ZDBF2: variants seen among roughly 807,000 people sequenced by gnomAD.
The protein encoded by ZDBF2 is zinc finger DBF-type containing 2.
A neutral mutation model predicts 9.4 loss-of-function variants in ZDBF2; 6 were observed. The observed-to-expected ratio is 0.64, with a 90% CI of 0.35 to 1.27. ZDBF2 has a LOEUF of 1.27. ZDBF2 is among the 50% of genes most tolerant of loss of function. ZDBF2 has a pLI of 0.03. For missense variants in ZDBF2, 2,697 were observed against 2,766.8 expected (o/e 0.97, Z 0.57); for synonymous variants, 905 against 946.3 (o/e 0.96, Z 0.80).
Position 206,307,037 on chromosome 2 carries a change from C to A in ZDBF2, c.2509C>A (p.Leu837Ile). The A allele has an allele frequency of 6.2e-7, 1 of 1,613,394 alleles. No individual in the cohort carries two copies. Among genetic ancestry groups the A allele is most frequent in the Non-Finnish European group, 8.5e-7 (1 of 1,179,708 alleles). The change falls in exon 5 of 5, where the codon CTT becomes ATT. Residue 837 changes from leucine (L) to isoleucine (I), a missense_variant. This residue lies in a region of ZDBF2 where 4 missense variants were observed against 16.7 expected (regional missense o/e 0.24). Coordinates refer to ENST00000374423, the MANE Select transcript of ZDBF2 (RefSeq NM_020923.3). ...SEITFDSDIPLHSGNDHPEVA... is the reference protein window; with the variant it reads ...SEITFDSDIPIHSGNDHPEVA... ...AATAACTTTTGATTCTGATATTCCT[C>A]TTCATTCAGGAAATGATCACCCTGA...
intron 3 of ZDBF2, among the ~76,000 whole-genome samples, chr2:206,284,590 T>C (rs1223770843): frequency 6.6e-6 from 1 of 152,240 alleles, no homozygotes; most frequent in Admixed American, 6.5e-5. Flanking sequence ...AATTATCCTC[T>C]CCCAATTTCT....
intron 3 of ZDBF2, among the ~76,000 whole-genome samples, chr2:206,293,169 G>A (rs1691987206): frequency 6.6e-6 from 1 of 152,188 alleles, no homozygotes; most frequent in Non-Finnish European, 1.5e-5. Flanking sequence ...ATTTATGGAT[G>A]TCTGATTTGT....
At chr2:206,300,522 C>T (rs1199355708) in intron 4 of ZDBF2, among the ~76,000 whole-genome samples, 1 of 152,140 alleles carries the variant, frequency 6.6e-6, no homozygotes, top group African/African-American at 2.4e-5. Flanking sequence ...TCGATGTGCC[C>T]TTCTCAGTGT....
At position 206,309,646 on chromosome 2, in the gene ZDBF2, T is replaced by C. The variant is rs376068663; in HGVS notation, c.5118T>C (p.Ser1706=). ...AGLKGKSCQS[S]ASAVDFGASS... is the part of the protein sequence containing the mutation. The stretch of plus-strand genomic sequence containing the variant: ...TAAAAGGTAAGAGCTGTCAGTCTAG[T>C]GCTTCTGCAGTGGATTTTGGTGCCT... Residue 1706 remains serine, a synonymous_variant, in exon 5 of 5, where the codon AGT becomes AGC. Transcript: ENST00000374423. 5.5e-5 allele frequency: 88 copies of C among 1,613,932 alleles called. No homozygotes were observed. In the African/African-American group the frequency reaches 1.1e-3, roughly 20 times the overall value.
chr2:206,300,040 C>T (rs368088851), intron 4 of ZDBF2, among the ~76,000 whole-genome samples: 42 of 151,988 alleles, frequency 2.8e-4, no homozygotes, highest in African/African-American at 9.9e-4. Flanking sequence ...ACCCTGGAGG[C>T]GGAGGTTGCG....
intron 1 of ZDBF2, among the ~76,000 whole-genome samples, chr2:206,275,859 A>C (rs1423730145): frequency 6.6e-6 from 1 of 152,164 alleles, no homozygotes; most frequent in Non-Finnish European, 1.5e-5. Context: ...TGCTTTTTTC[A>C]CTTAATACGT....
In ZDBF2 at chr2:206,283,492, T is replaced by C. The variant is rs75506118; in HGVS notation, c.60+1583T>C. ...CCTAATGACATATAGTGTCTTTTCATTGGGCATTTGTATATCTTGTTTAGA... is the reference window on the plus strand; with the variant it reads ...CCTAATGACATATAGTGTCTTTTCACTGGGCATTTGTATATCTTGTTTAGA... On this transcript the variant is annotated intron_variant, in intron 3 of 4. Coordinates refer to ENST00000374423, the MANE Select transcript of ZDBF2 (RefSeq NM_020923.3). 4.3e-3 allele frequency among the ~76,000 whole-genome samples: 655 copies of C among 152,322 alleles called. 6 individuals are homozygous for C. The highest frequency in any genetic ancestry group is 0.014 in the African/African-American group (602 of 41,570).
intron 4 of ZDBF2, among the ~76,000 whole-genome samples, chr2:206,301,906 T>C (rs1692520708): frequency 6.6e-6 from 1 of 152,084 alleles, no homozygotes; most frequent in Non-Finnish European, 1.5e-5. Context: ...TTTAAAAATA[T>C]GATGTTTTTA....
At chr2:206,297,022 ATTTACCT>A (rs1272354599) in intron 3 of ZDBF2, among the ~76,000 whole-genome samples, 1 of 152,130 alleles carries the variant, frequency 6.6e-6, no homozygotes, top group Non-Finnish European at 1.5e-5. Flanking sequence ...TGCATGAATC[ATTTACCT>A]TTAAGACTAT....
intron 3 of ZDBF2, among the ~76,000 whole-genome samples, chr2:206,291,179 G>A (rs577232595): frequency 6.6e-6 from 1 of 152,134 alleles, no homozygotes; most frequent in Non-Finnish European, 1.5e-5. Context: ...TTGGCACCAG[G>A]GACTGGTTTC....
Position 206,281,844 on chromosome 2 carries a change from T to C in ZDBF2, c.-6T>C. On this transcript the variant is annotated 5_prime_UTR_variant, in exon 3 of 5. Transcript: ENST00000374423. ...GTAGCCATCTGACTTCAGTTATTTA[T>C]TCAAGATGCAGAAAAGACAAGGATA... is the stretch of plus-strand genomic sequence containing the variant. 6.2e-7 allele frequency: 1 copy of C among 1,612,818 alleles called. No homozygotes were observed. The highest frequency in any genetic ancestry group is 8.5e-7 in the Non-Finnish European group (1 of 1,179,422).
chr2:206,303,607 A>T (rs1037988885), intron 4 of ZDBF2, among the ~76,000 whole-genome samples: 11 of 152,038 alleles, frequency 7.2e-5, no homozygotes, highest in African/African-American at 2.2e-4. Flanking sequence ...AAAATAATGG[A>T]ATTTAAATTT....
At position 206,306,186 on chromosome 2, in the gene ZDBF2, C is replaced by A. The variant is rs541898298; in HGVS notation, c.1658C>A (p.Pro553His). 8 of 1,613,602 alleles carry A rather than the reference C, an allele frequency of 5.0e-6. No individual in the cohort carries two copies. The South Asian group carries it at 7.7e-5, about 16-fold the overall frequency. ...CCACTGCAGTCAGTGGTTGACAGACCCCCAGTGGCTGTCACAGAAACAAAA... is the reference window on the plus strand; with the variant it reads ...CCACTGCAGTCAGTGGTTGACAGACACCCAGTGGCTGTCACAGAAACAAAA... ...VFPLQSVVDR[P>H]PVAVTETKLR... The change falls in exon 5 of 5, where the codon CCC (proline) becomes CAC (histidine). Residue 553 changes from proline (P) to histidine (H), a missense_variant. By Grantham distance (77) the Pro-to-His change is moderately conservative. Transcript: ENST00000374423.
chr2:206,284,271 T>G (rs999268073), intron 3 of ZDBF2, among the ~76,000 whole-genome samples: 7 of 152,052 alleles, frequency 4.6e-5, no homozygotes, highest in East Asian at 1.9e-4. Flanking sequence ...ATAGTGGATG[T>G]ATGTATGTAT....
chr2:206,295,322 T>C (rs1692108393), intron 3 of ZDBF2, among the ~76,000 whole-genome samples: 1 of 151,964 alleles, frequency 6.6e-6, no homozygotes, highest in Non-Finnish European at 1.5e-5. Context: ...ATTATAAAAC[T>C]TTGGGCAGTT....
At position 206,305,432 on chromosome 2, in the gene ZDBF2, T is replaced by A. The variant is rs774965026; in HGVS notation, c.904T>A (p.Ser302Thr). 1.1e-5 allele frequency: 17 copies of A among 1,613,194 alleles called. No individual in the cohort carries two copies. Reference sequence around the variant, plus strand: ...TACTAAGGGCTCCTTAAGAGTTAAATCTCCTTCCAAATTAGCAGTAAACCC... The same window carrying A: ...TACTAAGGGCTCCTTAAGAGTTAAAACTCCTTCCAAATTAGCAGTAAACCC... Reference protein sequence around the residue: ...MGTKGSLRVKSPSKLAVNPNK... With the variant: ...MGTKGSLRVKTPSKLAVNPNK... Residue 302 changes from serine (S) to threonine (T), a missense_variant, in exon 5 of 5, where the codon TCT (serine) becomes ACT (threonine). Physicochemically the swap from Ser to Thr is moderately conservative, Grantham distance 58. Coordinates refer to ENST00000374423, the MANE Select transcript of ZDBF2 (RefSeq NM_020923.3).
At position 206,305,037 on chromosome 2, in the gene ZDBF2, C is replaced by T. The variant is rs1208250066; in HGVS notation, c.509C>T (p.Ala170Val). The T allele has an allele frequency of 6.2e-6, 10 of 1,613,638 alleles. No individual in the cohort carries two copies. Among genetic ancestry groups the T allele is most frequent in the Admixed American group, 3.3e-5 (2 of 59,928 alleles). The change falls in exon 5 of 5, where the codon GCT (alanine) becomes GTT (valine). Residue 170 changes from alanine to valine, a missense_variant. Ala to Val is a moderately conservative substitution (Grantham distance 64). This residue lies in a region of ZDBF2 where 910 missense variants were observed against 973.6 expected (regional missense o/e 0.93). Coordinates refer to ENST00000374423, the MANE Select transcript of ZDBF2 (RefSeq NM_020923.3). ...RKCNLVDIGQ[A>V]TNNRSNLVRP... ...TGTAACCTAGTAGATATTGGTCAGG[C>T]TACAAATAATAGAAGCAACTTGGTA...
chr2:206,293,057 TA>T (rs1206799175), intron 3 of ZDBF2, among the ~76,000 whole-genome samples: 1 of 152,132 alleles, frequency 6.6e-6, no homozygotes, highest in Non-Finnish European at 1.5e-5. Context: ...TATCAGATAC[TA>T]AAACTTATGA....
At position 206,306,211 on chromosome 2, in the gene ZDBF2, A is replaced by C; in HGVS notation, c.1683A>C (p.Lys561Asn). The C allele has an allele frequency of 6.2e-7, 1 of 1,613,574 alleles. No individual in the cohort carries two copies. Among genetic ancestry groups the C allele is most frequent in the Non-Finnish European group, 8.5e-7 (1 of 1,179,784 alleles). ...DRPPVAVTET[K>N]LRKKAHTSLV... ...CCCCAGTGGCTGTCACAGAAACAAA[A>C]CTTCGGAAGAAGGCTCATACCAGCT... is the stretch of plus-strand genomic sequence containing the variant. Residue 561 changes from lysine (K) to asparagine (N), a missense_variant, in exon 5 of 5, where the codon AAA becomes AAC. Physicochemically the swap from Lys to Asn is moderately conservative, Grantham distance 94 (BLOSUM62 0). Transcript: ENST00000374423.
Sources: gnomAD v4.1 joint callset for allele counts (sites outside exome capture counted in the v4.1 genomes callset) on GRCh38, gnomAD v4.1.1 for gene constraint, gnomAD v4.1.1 regional missense constraint, MANE v1.5 for transcripts, NCBI Gene and HGNC (gene_info 2026-07-23, HGNC 2026-07-21) for gene names.